The following MTNR1A variants were observed in gnomAD, a reference collection of about 807,000 sequenced individuals.
The protein encoded by MTNR1A is melatonin receptor 1A.
MTNR1A carries 7 observed loss-of-function variants against 5.5 expected under a neutral mutation model. The ratio of observed to expected loss-of-function variants is 1.28; its 90% CI spans 0.73 to 2.40. The LOEUF (loss-of-function observed/expected upper bound fraction) is 2.40. MTNR1A is among the 30% of genes most tolerant of loss of function. MTNR1A has a pLI of 0.00. For missense variants in MTNR1A, 441 were observed against 464.4 expected, an observed-to-expected ratio of 0.95 and a Z score of 0.46; for synonymous variants, 196 against 202.7, an observed-to-expected ratio of 0.97 and a Z score of 0.28.
Position 186,533,834 on chromosome 4 carries a change from C to T in MTNR1A, c.908G>A (p.Arg303Lys). ...GACTATAATTCTCCTGTATTCCTTC[C>T]TGAAATTTTGGTTCAGTAGCCCGTA... ...IIYGLLNQNF[R>K]KEYRRIIVSL... Residue 303 changes from arginine to lysine, a missense_variant, in exon 2 of 2, where the codon AGG (arginine) becomes AAG (lysine). Physicochemically the swap from Arg to Lys is conservative, Grantham distance 26 (BLOSUM62 2). Transcript: ENST00000307161. 6.2e-7 allele frequency: 1 copy of T among 1,614,136 alleles called. No homozygotes were observed. The highest frequency in any genetic ancestry group is 1.3e-5 in the African/African-American group (1 of 75,020).
At position 186,555,330 on chromosome 4, in the gene MTNR1A, G is replaced by C; in HGVS notation, c.36C>G (p.Ser12=). 3.2e-6 allele frequency: 5 copies of C among 1,544,862 alleles called. No homozygotes were observed. Among genetic ancestry groups the C allele is most frequent in the Non-Finnish European group, 4.4e-6 (5 of 1,144,820 alleles). Residue 12 remains serine (S), a synonymous_variant, in exon 1 of 2, where the codon TCC becomes TCG. Coordinates refer to ENST00000307161, the MANE Select transcript of MTNR1A (RefSeq NM_005958.4). The surrounding 1 kb of genome is among the most constrained non-coding windows in gnomAD (Gnocchi z 4.1). ...CGCCGTCCCCGCGGAGCACGGGCTG[G>C]GAGGCGTTGGGCAGCGCGCTGCCGT... ...QGNGSALPNA[S]QPVLRGDGAR... is the part of the protein sequence containing the mutation.
intron 1 of MTNR1A, among the ~76,000 whole-genome samples, chr4:186,537,182 G>A (rs754915006): frequency 6.6e-6 from 1 of 152,094 alleles, no homozygotes; most frequent in Non-Finnish European, 1.5e-5. Context: ...AATTAATTAA[G>A]CCACAGACTC....
chr4:186,552,225 A>G (rs1348855784), intron 1 of MTNR1A, among the ~76,000 whole-genome samples: 1 of 152,118 alleles, frequency 6.6e-6, no homozygotes, highest in African/African-American at 2.4e-5. Flanking sequence ...GCTTGCTATT[A>G]TGTGCTATTT....
At chr4:186,541,093 TA>T (rs1298837307) in intron 1 of MTNR1A, among the ~76,000 whole-genome samples, 1 of 152,170 alleles carries the variant, frequency 6.6e-6, no homozygotes, top group Non-Finnish European at 1.5e-5. Context: ...AGCATGCTCC[TA>T]TGGCCTCATG....
intron 1 of MTNR1A, among the ~76,000 whole-genome samples, chr4:186,554,917 A>T (rs1048210917): frequency 1.1e-4 from 17 of 152,242 alleles, no homozygotes; most frequent in African/African-American, 4.1e-4. Context: ...AATAAACCTC[A>T]GACAGGACAA....
At chr4:186,551,329 T>C (rs1737262591) in intron 1 of MTNR1A, among the ~76,000 whole-genome samples, 1 of 152,176 alleles carries the variant, frequency 6.6e-6, no homozygotes. Context: ...TTGTGTATTT[T>C]GCATAATGTC....
intron 1 of MTNR1A, among the ~76,000 whole-genome samples, chr4:186,543,298 T>G (rs1283252622): frequency 6.6e-6 from 1 of 152,180 alleles, no homozygotes; most frequent in Non-Finnish European, 1.5e-5. Flanking sequence ...CGTGTCTCAG[T>G]ACTCCCATGC....
At chr4:186,538,130 T>C (rs1736916344) in intron 1 of MTNR1A, among the ~76,000 whole-genome samples, 1 of 152,118 alleles carries the variant, frequency 6.6e-6, no homozygotes, top group Non-Finnish European at 1.5e-5. Context: ...CGACGTTGCT[T>C]TTCTGTTTAT....
chr4:186,537,787 C>G (rs1736894890), intron 1 of MTNR1A, among the ~76,000 whole-genome samples: 1 of 152,248 alleles, frequency 6.6e-6, no homozygotes, highest in Non-Finnish European at 1.5e-5. Context: ...AAACTGGGCC[C>G]TGTGGCTACG....
intron 1 of MTNR1A, among the ~76,000 whole-genome samples, chr4:186,550,937 GAAC>G (rs1737255194): frequency 6.6e-6 from 1 of 152,112 alleles, no homozygotes. Context: ...ATAGAAAACT[GAAC>G]AACAGCTAAG....
intron 1 of MTNR1A, among the ~76,000 whole-genome samples, chr4:186,548,830 T>TAC (rs1560898082): frequency 1.0e-5 from 1 of 96,814 alleles, no homozygotes; most frequent in Non-Finnish European, 2.1e-5. Flanking sequence ...TATATATATA[T>TAC]ATATATATAT....
Position 186,534,613 on chromosome 4 carries a change from G to C in MTNR1A, c.185-56C>G, listed in dbSNP as rs971032853. The C allele has an allele frequency of 3.2e-6, 5 of 1,580,740 alleles. No individual in the cohort carries two copies. In the African/African-American group the frequency reaches 4.0e-5, roughly 13 times the overall value. On this transcript the variant is annotated intron_variant, in intron 1 of 1. Transcript: ENST00000307161. ...AATACCAGTTCACAGTGGGTTTTCT[G>C]TTACAATTGTTAAAGAAGGAGCTGC...
At chr4:186,547,218 A>C (rs1398848718) in intron 1 of MTNR1A, among the ~76,000 whole-genome samples, 1 of 72,212 alleles carries the variant, frequency 1.4e-5, no homozygotes, top group African/African-American at 5.7e-5. Context: ...CACCGTCCAC[A>C]CCACACCCTG....
chr4:186,551,092 G>A (rs1737258428), intron 1 of MTNR1A, among the ~76,000 whole-genome samples: 1 of 152,244 alleles, frequency 6.6e-6, no homozygotes, highest in African/African-American at 2.4e-5. Flanking sequence ...ATCGCATGAA[G>A]TGGGGTTAGC....
rs376741434 is a variant in MTNR1A, at chr4:186,533,891, G to A, written c.851C>T (p.Ala284Val). 150 of 1,614,092 alleles carry A rather than the reference G, an allele frequency of 9.3e-5. 1 individual carries two copies. The South Asian group carries it at 1.4e-3, about 15-fold the overall frequency. The change falls in exon 2 of 2, where the codon GCG becomes GTG. Residue 284 changes from alanine (A) to valine (V), a missense_variant. Physicochemically the swap from Ala to Val is moderately conservative, Grantham distance 64. Coordinates refer to ENST00000307161, the MANE Select transcript of MTNR1A (RefSeq NM_005958.4). ...GGCATTGAGGCAGCTGTTGAAATAC[G>A]CCATGTAGTAACTGGCCACAAACAG... ...EWLFVASYYM[A>V]YFNSCLNAII... is the part of the protein sequence containing the mutation.
At chr4:186,549,605 C>T (rs1030323088) in intron 1 of MTNR1A, among the ~76,000 whole-genome samples, 1 of 152,198 alleles carries the variant, frequency 6.6e-6, no homozygotes, top group East Asian at 1.9e-4. Flanking sequence ...TTTCGCATTT[C>T]TCTTGAAAAA....
Position 186,555,264 on chromosome 4 carries a change from G to A in MTNR1A, c.102C>T (p.Leu34=). 1 of 1,560,790 alleles carries A rather than the reference G, an allele frequency of 6.4e-7. No individual in the cohort carries two copies. The highest frequency in any genetic ancestry group is 8.7e-7 in the Non-Finnish European group (1 of 1,153,732). The stretch of plus-strand genomic sequence containing the variant: ...GGATGTCCACCACGATGGTGAAGAT[G>A]AGGACGCAGGCCAGGGCGGACGCCA... ...SWLASALACV[L]IFTIVVDILG... is the part of the protein sequence containing the mutation. The change falls in exon 1 of 2, where the codon CTC becomes CTT. Residue 34 remains leucine (L), a synonymous_variant. Transcript: ENST00000307161. The surrounding 1 kb of genome is among the most constrained non-coding windows in gnomAD (Gnocchi z 4.1).
rs367823812 is a variant in MTNR1A at position 186,533,673 on chromosome 4, G to A, written c.*16C>T. 62 of 1,613,330 alleles carry A rather than the reference G, an allele frequency of 3.8e-5. No homozygotes were observed. Among genetic ancestry groups the A allele is most frequent in the South Asian group, 1.8e-4 (16 of 91,026 alleles). ...CTTGCGCAGCGTGTCCATCTCACCC[G>A]GAACGTGGTGCTTTTTTAAACGGAG... is the stretch of plus-strand genomic sequence containing the variant. On this transcript the variant is annotated 3_prime_UTR_variant, in exon 2 of 2. Coordinates refer to ENST00000307161, the MANE Select transcript of MTNR1A (RefSeq NM_005958.4).
intron 1 of MTNR1A, among the ~76,000 whole-genome samples, chr4:186,550,689 C>T (rs1579256214): frequency 6.6e-6 from 1 of 152,284 alleles, no homozygotes; most frequent in East Asian, 1.9e-4. Flanking sequence ...ATGCTGAAGG[C>T]AAGCAAAAGT....
Sources: gnomAD v4.1 joint callset for allele counts (sites outside exome capture counted in the v4.1 genomes callset) on GRCh38, gnomAD v4.1.1 for gene constraint, Gnocchi (gnomAD v3.1) non-coding constraint, MANE v1.5 for transcripts, NCBI Gene and HGNC (gene_info 2026-07-23, HGNC 2026-07-21) for gene names.